The following IL24 variants were observed in gnomAD, a reference collection of about 807,000 sequenced individuals.
IL24 encodes the protein interleukin 24.
IL24 carries 24 observed loss-of-function variants against 27.6 expected under a neutral mutation model. The observed-to-expected ratio is 0.87, with a 90% confidence interval of 0.63 to 1.22. The LOEUF (loss-of-function observed/expected upper bound fraction) is 1.22, where lower values mean the gene tolerates loss of function less well. Ranked by LOEUF, IL24 falls within the 50% of genes most tolerant of loss-of-function variation. The pLI, the probability that IL24 is intolerant of heterozygous loss-of-function variation, is 0.00. For synonymous variants in IL24, 99 were observed against 93.1 expected, an observed-to-expected ratio of 1.06 and a Z score of -0.36; for missense variants, 240 against 237.0, an observed-to-expected ratio of 1.01 and a Z score of -0.08.
At chr1:206,901,456 A>G (rs369499938) in intron 4 of IL24, 38 bp from the exon 5 acceptor site, 19 of 1,582,878 alleles carry the variant, frequency 1.2e-5, no homozygotes, top group Non-Finnish European at 1.6e-5. Flanking sequence ...CAGGGTGGGC[A>G]GAGGCCTTGG....
In IL24 at chr1:206,904,015, G is replaced by A. The variant is rs1275656411; in HGVS notation, c.*956G>A. On this transcript the variant is annotated 3_prime_UTR_variant, in exon 7 of 7. Coordinates refer to ENST00000294984, the MANE Select transcript of IL24 (RefSeq NM_006850.3). ...TGGTCGACATCAATCTAAAGATACAGTGTCTGACTATAACCTTGTTCCAAA... is the reference window on the plus strand; with the variant it reads ...TGGTCGACATCAATCTAAAGATACAATGTCTGACTATAACCTTGTTCCAAA... The A allele has an allele frequency of 6.6e-6, 1 of 152,354 alleles. No individual in the cohort carries two copies. Among genetic ancestry groups the A allele is most frequent in the Non-Finnish European group, 1.5e-5 (1 of 68,060 alleles). The allele number at this position is 152,354 out of a possible 1,614,324, so 9.4% of individuals were successfully genotyped here.
At chr1:206,898,164 CAAA>C (rs59175256) in intron 2 of IL24, among the ~76,000 whole-genome samples, 1,469 of 99,966 alleles carry the variant, frequency 0.015, 24 homozygotes, top group African/African-American at 0.051. Context: ...GAAATTCTGT[CAAA>C]AAAAAAAAAA....
chr1:206,900,433 A>G, intron 4 of IL24, 76 bp downstream of exon 4: 1 of 1,312,142 alleles, frequency 7.6e-7, no homozygotes, highest in Non-Finnish European at 1.1e-6. Flanking sequence ...TTCTTAGGGG[A>G]GGTTGATGAA....
At chr1:206,901,732 C>G in intron 5 of IL24, 80 bp downstream of exon 5, 1 of 1,206,566 alleles carries the variant, frequency 8.3e-7, no homozygotes, top group South Asian at 1.4e-5. Context: ...TGACCCTCTG[C>G]AAAGTCCTCC....
At chr1:206,898,504 G>A (rs1678245601) in intron 2 of IL24, among the ~76,000 whole-genome samples, 1 of 151,998 alleles carries the variant, frequency 6.6e-6, no homozygotes. Context: ...AGGGAGAGAG[G>A]GAGGGAAAGG....
chr1:206,900,234 G>A (rs1678321925), intron 3 of IL24, 61 bp from the exon 4 acceptor site: 1 of 1,438,498 alleles, frequency 7.0e-7, no homozygotes, highest in Non-Finnish European at 9.8e-7. Flanking sequence ...GCACATATTT[G>A]CAGAGTTGGT....
At chr1:206,901,314 A>G (rs998554176) in intron 4 of IL24, among the ~76,000 whole-genome samples, 180 bp from the exon 5 acceptor site, 2 of 152,064 alleles carry the variant, frequency 1.3e-5, no homozygotes, top group African/African-American at 2.4e-5. Context: ...CCTCCTCTCA[A>G]ACAAAGACCT....
chr1:206,900,237 G>A, intron 3 of IL24, 58 bp from the exon 4 acceptor site: 3 of 1,462,748 alleles, frequency 2.1e-6, no homozygotes, highest in Non-Finnish European at 2.9e-6. Context: ...CATATTTGCA[G>A]AGTTGGTTTC....
At chr1:206,899,287 G>A (rs1196625018) in intron 2 of IL24, 33 bp from the exon 3 acceptor site, 4 of 1,605,094 alleles carry the variant, frequency 2.5e-6, no homozygotes, top group East Asian at 2.2e-5. Flanking sequence ...TCAGAGGGCC[G>A]GCCTCACAGG....
rs1558642350 is a variant in IL24 at position 206,902,781 on chromosome 1, T to C, written c.538-195T>C. ...TGTCCACTGATATTCACTAGCCTGTTTGTCCTCACCCCTGAAGCAGATAAA... is the reference window on the plus strand; with the variant it reads ...TGTCCACTGATATTCACTAGCCTGTCTGTCCTCACCCCTGAAGCAGATAAA... On this transcript the variant is annotated intron_variant, in intron 6 of 6. Transcript: ENST00000294984. The C allele has an allele frequency of 4.1e-6, 4 of 985,448 alleles. No individual in the cohort carries two copies. The East Asian group carries it at 3.4e-4, about 84-fold the overall frequency. 61.0% of individuals were successfully genotyped at this position (985,448 alleles called of 1,614,324 possible).
chr1:206,902,528 A>C, intron 6 of IL24: 2 of 984,314 alleles, frequency 2.0e-6, no homozygotes, highest in Non-Finnish European at 2.4e-6. Context: ...CCCAAATTTC[A>C]TCCCCAGCCC....
chr1:206,898,447 G>A (rs1678243128), intron 2 of IL24, among the ~76,000 whole-genome samples: 2 of 152,026 alleles, frequency 1.3e-5, no homozygotes, highest in Non-Finnish European at 2.9e-5. Flanking sequence ...AAGAAAGGGA[G>A]GGAGCGAGAG....
intron 3 of IL24, among the ~76,000 whole-genome samples, chr1:206,899,751 G>C (rs1484726234): frequency 6.6e-6 from 1 of 152,152 alleles, no homozygotes; most frequent in Non-Finnish European, 1.5e-5. Context: ...CAGTGCCCAA[G>C]GGAAACCATG....
rs1467532114 is a variant in IL24 at position 206,903,641 on chromosome 1, C to T, written c.*582C>T. ...ACGATAAAATGTGGATTAAAGTGCCCAGCACAAAGCAGATCCTCAATAAAC... is the reference window on the plus strand; with the variant it reads ...ACGATAAAATGTGGATTAAAGTGCCTAGCACAAAGCAGATCCTCAATAAAC... On this transcript the variant is annotated 3_prime_UTR_variant, in exon 7 of 7. Transcript: ENST00000294984. 1 of 152,548 alleles carries T rather than the reference C, an allele frequency of 6.6e-6. No individual in the cohort carries two copies. The highest frequency in any genetic ancestry group is 2.4e-5 in the African/African-American group (1 of 41,408). 9.4% of individuals were successfully genotyped at this position (152,548 alleles called of 1,614,324 possible).
intron 2 of IL24, among the ~76,000 whole-genome samples, chr1:206,898,313 T>A (rs1678238914): frequency 6.6e-6 from 1 of 151,828 alleles, no homozygotes; most frequent in Non-Finnish European, 1.5e-5. Flanking sequence ...CAGAACCGGG[T>A]CTTCTCTGGT....
In IL24 at chr1:206,903,670, T is replaced by G. The variant is rs933535800; in HGVS notation, c.*611T>G. ...ACAAAGCAGATCCTCAATAAACATT[T>G]CATTTCCCACCCACACTCGCCAGCT... On this transcript the variant is annotated 3_prime_UTR_variant, in exon 7 of 7. Transcript: ENST00000294984. 1.3e-5 allele frequency: 2 copies of G among 152,326 alleles called. No individual in the cohort carries two copies. Among genetic ancestry groups the G allele is most frequent in the Non-Finnish European group, 1.5e-5 (1 of 68,080 alleles). 9.4% of individuals were successfully genotyped at this position (152,326 alleles called of 1,614,324 possible). A position where few individuals can be genotyped will look rare whatever the true frequency, so the allele number is the denominator to read the frequency against.
intron 6 of IL24, chr1:206,902,301 C>G (rs1369099152): frequency 1.0e-6 from 1 of 985,232 alleles, no homozygotes; most frequent in Non-Finnish European, 1.2e-6. Context: ...TATTTCCCTA[C>G]AAGATGATTT....
Position 206,899,378 on chromosome 1 carries a change from T to G in IL24, c.103T>G (p.Cys35Gly), listed in dbSNP as rs755290538. 1.9e-6 allele frequency: 3 copies of G among 1,614,214 alleles called. No individual in the cohort carries two copies. The South Asian group carries it at 3.3e-5, about 18-fold the overall frequency. ...ASQMQMVVLP[C>G]LGFTLLLWSQ... The stretch of plus-strand genomic sequence containing the variant: ...TCAAATGCAGATGGTTGTGCTCCCT[T>G]GCCTGGGTTTTACCCTGCTTCTCTG... Residue 35 changes from cysteine (C) to glycine (G), a missense_variant, in exon 3 of 7, where the codon TGC becomes GGC. Transcript: ENST00000294984.
rs1374243331 is a variant in IL24, at chr1:206,900,371, G to A, written c.303+14G>A. On this transcript the variant is annotated intron_variant, in intron 4 of 6. Coordinates refer to ENST00000294984, the MANE Select transcript of IL24 (RefSeq NM_006850.3). ...CAGAACGTCTCGGTAATCAGACCTC[G>A]GGGACACCACCCTCTGTGGGACGGG... The A allele has an allele frequency of 1.6e-5, 26 of 1,612,938 alleles. No homozygotes were observed. The highest frequency in any genetic ancestry group is 2.7e-5 in the African/African-American group (2 of 74,884).
Sources: allele counts gnomAD v4.1 joint callset (sites outside exome capture counted in the v4.1 genomes callset), GRCh38; gene constraint gnomAD v4.1.1; transcripts MANE v1.5; gene names NCBI Gene and HGNC (gene_info 2026-07-23, HGNC 2026-07-21).